Variants in PKD1L1 observed in about 807,000 individuals in gnomAD.
The protein encoded by PKD1L1 is polycystin 1 like 1, transient receptor potential channel interacting.
A neutral mutation model predicts 323.4 loss-of-function variants in PKD1L1; 236 were observed. The ratio of observed to expected loss-of-function variants is 0.73; its 90% CI spans 0.66 to 0.81. The LOEUF is 0.81. Among genes scored for constraint, PKD1L1 ranks in the 40% least tolerant of loss-of-function variants. The probability of loss-of-function intolerance (pLI) is 0.00; values close to 1 mark genes in which losing one functional copy is unlikely to be tolerated. For missense variants in PKD1L1, 3,320 were observed against 3,508.0 expected (o/e 0.95, Z 1.35); for synonymous variants, 1,344 against 1,335.0 (o/e 1.01, Z -0.15).
Position 47,881,946 on chromosome 7 carries a change from C to A in PKD1L1, c.3405G>T (p.Leu1135=). The A allele has an allele frequency of 2.5e-6, 4 of 1,610,808 alleles. No homozygotes were observed. Among genetic ancestry groups the A allele is most frequent in the Non-Finnish European group, 3.4e-6 (4 of 1,179,028 alleles). ...AGCCTTGGAAAACTGCTCGACCCAG[C>A]AGGGCCTTGGGCCAGTCAATCATGA... The part of the protein sequence containing the change: ...PVLMIDWPKA[L]LGRAVFQGYS... The change falls in exon 20 of 57, where the codon CTG becomes CTT. Residue 1135 remains leucine, a synonymous_variant. Transcript: ENST00000289672.
At chr7:47,960,179 G>T in the PKD1L1 span, among the ~76,000 whole-genome samples, 8 of 149,128 alleles carry the variant, frequency 5.4e-5, no homozygotes, top group East Asian at 1.6e-3. Flanking sequence ...CAGCATGCTC[G>T]TTAAGAGTCA....
Position 47,887,860 on chromosome 7 carries a change from G to A in PKD1L1, c.2836+130C>T, listed in dbSNP as rs924403363. On this transcript the variant is annotated intron_variant, in intron 17 of 56. Coordinates refer to ENST00000289672, the MANE Select transcript of PKD1L1 (RefSeq NM_138295.5). ...GAGGCAAGAGGGGCTGGGGAAGCAC[G>A]ACGGACCGTTCACCAGGCAGATCAG... 1.3e-5 allele frequency: 12 copies of A among 897,134 alleles called. No homozygotes were observed. The Admixed American group carries it at 1.9e-4, about 14-fold the overall frequency. 55.6% of individuals were successfully genotyped at this position (897,134 alleles called of 1,614,324 possible). A position where few individuals can be genotyped will look rare whatever the true frequency, so the allele number is the denominator to read the frequency against.
intron 45 of PKD1L1, among the ~76,000 whole-genome samples, chr7:47,825,772 T>A (rs1785230753): frequency 2.6e-5 from 4 of 152,190 alleles, no homozygotes; most frequent in Non-Finnish European, 5.9e-5. Flanking sequence ...CCTAAGTGTA[T>A]TTTGTTGTAT....
chr7:47,853,281 G>T, intron 30 of PKD1L1, 54 bp from the exon 31 acceptor site: 2 of 1,269,774 alleles, frequency 1.6e-6, no homozygotes, highest in Non-Finnish European at 2.3e-6. Context: ...TCTCTCAAAG[G>T]TTTTAGTCAA....
Position 47,843,979 on chromosome 7 carries a change from C to A in PKD1L1, c.5238-810G>T, listed in dbSNP as rs78444168. On this transcript the variant is annotated intron_variant, in intron 33 of 56. Transcript: ENST00000289672. ...AGAGCCTGTTCAGAGCTCTGCCCCA[C>A]GAGCTCTGCAGGGTGCTCACATCCT... is the stretch of plus-strand genomic sequence containing the variant. 9.2e-5 allele frequency among the ~76,000 whole-genome samples: 14 copies of A among 152,186 alleles called. 1 individual carries two copies. In the South Asian group the frequency reaches 2.9e-3, roughly 32 times the overall value.
In PKD1L1 at chr7:47,886,061, C is replaced by G. The variant is rs369890304; in HGVS notation, c.2837-7G>C. 45 of 1,597,246 alleles carry G rather than the reference C, an allele frequency of 2.8e-5. No homozygotes were observed. The highest frequency in any genetic ancestry group is 3.7e-5 in the Non-Finnish European group (43 of 1,171,396). Reference sequence around the variant, plus strand: ...ACTACTCTGCAGAAGGGAACTTAAGCAAACGTTTGGCAGTGTTAGAATTTT... The same window carrying G: ...ACTACTCTGCAGAAGGGAACTTAAGGAAACGTTTGGCAGTGTTAGAATTTT... On this transcript the variant is annotated splice_polypyrimidine_tract_variant and splice_region_variant and intron_variant, in intron 17 of 56. Transcript: ENST00000289672.
At chr7:47,859,627 A>ATTTTTTT (rs34815905) in intron 26 of PKD1L1, among the ~76,000 whole-genome samples, 1 of 123,636 alleles carries the variant, frequency 8.1e-6, no homozygotes. Context: ...AAAGACATAC[A>ATTTTTTT]TTTTTTTTTT....
intron 33 of PKD1L1, 128 bp downstream of exon 33, chr7:47,844,867 C>T (rs1304092489): frequency 1.6e-6 from 1 of 614,110 alleles, no homozygotes; most frequent in Non-Finnish European, 2.8e-6. Context: ...CTAATATGCA[C>T]ATTTCAAAAA....
At position 47,835,248 on chromosome 7, in the gene PKD1L1, A is replaced by G. The variant is rs1260729373; in HGVS notation, c.5944-5T>C. The G allele has an allele frequency of 6.4e-7, 1 of 1,566,494 alleles. No homozygotes were observed. The highest frequency in any genetic ancestry group is 8.6e-7 in the Non-Finnish European group (1 of 1,158,044). On this transcript the variant is annotated splice_region_variant and splice_polypyrimidine_tract_variant and intron_variant, in intron 37 of 56. Coordinates refer to ENST00000289672, the MANE Select transcript of PKD1L1 (RefSeq NM_138295.5). ...GGGGCTGACGTCCAAGTGGGGCTGCAACAAAGCAACAGCAGCCATTACATC... is the reference window on the plus strand; with the variant it reads ...GGGGCTGACGTCCAAGTGGGGCTGCGACAAAGCAACAGCAGCCATTACATC...
chr7:47,893,835 C>A, intron 15 of PKD1L1, 43 bp downstream of exon 15: 1 of 1,582,738 alleles, frequency 6.3e-7, no homozygotes, highest in Non-Finnish European at 8.6e-7. Context: ...GCAGAATGCG[C>A]GGTCTGAGTA....
At position 47,885,676 on chromosome 7, in the gene PKD1L1, T is replaced by C; in HGVS notation, c.3205+10A>G. On this transcript the variant is annotated intron_variant, in intron 18 of 56. Transcript: ENST00000289672. ...CAAGAGGGATGACATGCAGGAACAG[T>C]GGCACTTACCAGAGAGGTGAGGGTC... 6.2e-7 allele frequency: 1 copy of C among 1,605,008 alleles called. No individual in the cohort carries two copies. The highest frequency in any genetic ancestry group is 2.2e-5 in the East Asian group (1 of 44,760).
chr7:47,815,242 C>A, intron 47 of PKD1L1, 92 bp downstream of exon 47: 1 of 1,490,358 alleles, frequency 6.7e-7, no homozygotes, highest in Non-Finnish European at 9.1e-7. Flanking sequence ...AGAACCTATG[C>A]AGTGCTGCAG....
At chr7:47,847,870 G>A (rs1273523872) in intron 31 of PKD1L1, among the ~76,000 whole-genome samples, 2 of 151,820 alleles carry the variant, frequency 1.3e-5, no homozygotes, top group Non-Finnish European at 2.9e-5. Context: ...AAGAAATGGT[G>A]GATAAATTAC....
intron 33 of PKD1L1, among the ~76,000 whole-genome samples, chr7:47,843,765 G>A (rs905025379): frequency 3.3e-5 from 5 of 152,136 alleles, no homozygotes; most frequent in African/African-American, 9.7e-5. Flanking sequence ...ATATCAAGCT[G>A]CTGTGCAGGG....
rs1217465549 is a variant in PKD1L1, at chr7:47,918,469, C to T, written c.1061-2870G>A. ...ACAGGTCATCAAGACAGAAAGTCAA[C>T]AACAAAAAAAAAAACAATGGATTTA... On this transcript the variant is annotated intron_variant, in intron 7 of 56. Transcript: ENST00000289672. Among the ~76,000 whole-genome samples, 10 of 138,022 alleles carry T rather than the reference C, an allele frequency of 7.2e-5. No individual in the cohort carries two copies. In the East Asian group the frequency reaches 2.0e-3, roughly 27 times the overall value. 90.5% of individuals were successfully genotyped at this position (138,022 alleles called of 152,430 possible). A position where few individuals can be genotyped will look rare whatever the true frequency, so the allele number is the denominator to read the frequency against.
At position 47,931,223 on chromosome 7, in the gene PKD1L1, C is replaced by T. The variant is rs370757738; in HGVS notation, c.618G>A (p.Thr206=). ...RLLCCAEDVA[T]GLLPGTVTME... ...TCGTGACAGTCCCAGGAAGCAGCCC[C>T]GTGGCCACATCCTCCGCACAGCACA... Residue 206 remains threonine, a synonymous_variant, in exon 6 of 57, where the codon ACG becomes ACA. Transcript: ENST00000289672. 18 of 1,614,120 alleles carry T rather than the reference C, an allele frequency of 1.1e-5. No individual in the cohort carries two copies. The highest frequency in any genetic ancestry group is 2.7e-5 in the African/African-American group (2 of 74,938).
rs1479900267 is a variant in PKD1L1, at chr7:47,887,975, A to G, written c.2836+15T>C. ...TTCCCTCAGAAAACAAAATAAAGCT[A>G]TTAATCCTTTTTACCTTCTATCCTA... On this transcript the variant is annotated intron_variant, in intron 17 of 56. Transcript: ENST00000289672. 2 of 1,596,560 alleles carry G rather than the reference A, an allele frequency of 1.3e-6. No individual in the cohort carries two copies. The highest frequency in any genetic ancestry group is 4.5e-5 in the East Asian group (2 of 44,664).
chr7:47,780,669 A>T (rs541807974), intron 56 of PKD1L1, among the ~76,000 whole-genome samples: 1 of 152,190 alleles, frequency 6.6e-6, no homozygotes, highest in South Asian at 2.1e-4. Flanking sequence ...ATAGTATGTA[A>T]CCTTTTGAGT....
At chr7:47,951,648 T>A (rs11973038), upstream of PKD1L1, among the ~76,000 whole-genome samples, 2 of 152,178 alleles carry the variant, frequency 1.3e-5, no homozygotes, top group Non-Finnish European at 2.9e-5. Context: ...CCTCCTCAGA[T>A]GGAAACTTCA....
Sources: gnomAD v4.1 joint callset for allele counts (sites outside exome capture counted in the v4.1 genomes callset) on GRCh38, gnomAD v4.1.1 for gene constraint, MANE v1.5 for transcripts, NCBI Gene and HGNC (gene_info 2026-07-23, HGNC 2026-07-21) for gene names.